PELI2: variants seen among roughly 807,000 people sequenced by gnomAD.
PELI2 encodes the protein pellino E3 ubiquitin protein ligase family member 2.
A neutral mutation model predicts 42.3 loss-of-function variants in PELI2; 23 were observed. That is an observed-to-expected ratio of 0.54 (90% CI 0.39 to 0.77). PELI2 has a LOEUF of 0.77. Among genes scored for constraint, PELI2 ranks in the 30% least tolerant of loss-of-function variants. PELI2 has a pLI of 0.00. For missense variants in PELI2, 463 were observed against 553.2 expected (o/e 0.84, Z 1.64); for synonymous variants, 245 against 212.2 (o/e 1.15, Z -1.34).
At chr14:56,218,573 C>G (rs918829654) in intron 2 of PELI2, among the ~76,000 whole-genome samples, 10 of 152,228 alleles carry the variant, frequency 6.6e-5, no homozygotes, top group Non-Finnish European at 1.5e-4. Context: ...GCTTACTCTT[C>G]CACCTCCCAG....
At chr14:56,256,955 A>G (rs1294766534) in intron 2 of PELI2, among the ~76,000 whole-genome samples, 2 of 152,192 alleles carry the variant, frequency 1.3e-5, no homozygotes, top group African/African-American at 2.4e-5. Flanking sequence ...GCCTTATCGC[A>G]TATTATTTGC....
chr14:56,267,108 C>T (rs764432078), intron 2 of PELI2, among the ~76,000 whole-genome samples: 1 of 152,058 alleles, frequency 6.6e-6, no homozygotes, highest in Non-Finnish European at 1.5e-5. Context: ...ATACCATTCA[C>T]TGGTAACATT....
intron 3 of PELI2, among the ~76,000 whole-genome samples, chr14:56,280,303 A>G (rs978799473): frequency 6.6e-6 from 1 of 152,116 alleles, no homozygotes; most frequent in African/African-American, 2.4e-5. Flanking sequence ...AAAGTACAGC[A>G]ATTAAGAAAG....
In PELI2 at chr14:56,118,628, TCGG is replaced by T; in HGVS notation, c.-24_-22del. On this transcript the variant is annotated 5_prime_UTR_variant, in exon 1 of 6. Coordinates refer to ENST00000267460, the MANE Select transcript of PELI2 (RefSeq NM_021255.3). ...GGGGATCGCGGCGGAGGCGGCGGCG[TCGG>T]CGGCGGCGTCGGCGGCCGAGCGGGG... 6.2e-6 allele frequency: 8 copies of T among 1,297,584 alleles called. No individual in the cohort carries two copies. The highest frequency in any genetic ancestry group is 1.8e-5 in the South Asian group (1 of 55,074). The allele number at this position is 1,297,584 out of a possible 1,614,324, so 80.4% of individuals were successfully genotyped here.
In PELI2 at chr14:56,279,688, A is replaced by G. The variant is rs762329272; in HGVS notation, c.220A>G (p.Lys74Glu). The G allele has an allele frequency of 2.5e-6, 4 of 1,573,728 alleles. No homozygotes were observed. In the South Asian group the frequency reaches 3.4e-5, roughly 13 times the overall value. ...ATTTTATTATTAGGCTATCAGCTGCAAAGGTCAACACAGTATATCCTACAC... is the reference window on the plus strand; with the variant it reads ...ATTTTATTATTAGGCTATCAGCTGCGAAGGTCAACACAGTATATCCTACAC... ...TPQASKAISC[K>E]GQHSISYTLS... The change falls in exon 3 of 6, where the codon AAA becomes GAA. Residue 74 changes from lysine to glutamate, a missense_variant. Lys to Glu is a moderately conservative substitution (Grantham distance 56). Coordinates refer to ENST00000267460, the MANE Select transcript of PELI2 (RefSeq NM_021255.3).
At chr14:56,257,234 G>A (rs1051818485) in intron 2 of PELI2, among the ~76,000 whole-genome samples, 7 of 152,148 alleles carry the variant, frequency 4.6e-5, no homozygotes, top group Non-Finnish European at 1.0e-4. Flanking sequence ...GGAGATAAAA[G>A]TGTTGAACAA....
At chr14:56,289,241 T>C (rs565856340) in intron 4 of PELI2, among the ~76,000 whole-genome samples, 5 of 152,336 alleles carry the variant, frequency 3.3e-5, no homozygotes, top group Admixed American at 1.3e-4. Context: ...GAAGTGCCGA[T>C]GAAGGCCAGC....
At chr14:56,237,768 C>G (rs1887847443) in intron 2 of PELI2, among the ~76,000 whole-genome samples, 1 of 151,282 alleles carries the variant, frequency 6.6e-6, no homozygotes, top group African/African-American at 2.4e-5. Context: ...CATGTCAGAG[C>G]ATGTGGACTG....
chr14:56,249,589 G>T (rs1361398842), intron 2 of PELI2, among the ~76,000 whole-genome samples: 1 of 152,170 alleles, frequency 6.6e-6, no homozygotes, highest in Admixed American at 6.5e-5. Flanking sequence ...ACTGTTCTTT[G>T]TAACCCCAGT....
rs145800334 is a variant in PELI2 at position 56,195,571 on chromosome 14, G to A, written c.207+17107G>A. On this transcript the variant is annotated intron_variant, in intron 2 of 5. Coordinates refer to ENST00000267460, the MANE Select transcript of PELI2 (RefSeq NM_021255.3). ...AAGGCCTTTCAGCAATTTAGCTAAA[G>A]GCTTTAGAGGCAGTGGAGATCTTTT... is the stretch of plus-strand genomic sequence containing the variant. Among the ~76,000 whole-genome samples the A allele has an allele frequency of 1.7e-3, 260 of 152,334 alleles. 2 individuals carry two copies. In the East Asian group the frequency reaches 0.047, roughly 27 times the overall value.
At chr14:56,274,784 A>G (rs2139862933) in intron 2 of PELI2, among the ~76,000 whole-genome samples, 1 of 152,316 alleles carries the variant, frequency 6.6e-6, no homozygotes, top group East Asian at 1.9e-4. Context: ...TGAGAAGAAA[A>G]TACTTGACTC....
chr14:56,272,850 T>C (rs565260236), intron 2 of PELI2, among the ~76,000 whole-genome samples: 24 of 152,334 alleles, frequency 1.6e-4, no homozygotes, highest in African/African-American at 5.8e-4. Flanking sequence ...CCTGCCATGG[T>C]AGACACACCT....
At chr14:56,144,293 G>A (rs753287684) in intron 1 of PELI2, among the ~76,000 whole-genome samples, 3 of 152,178 alleles carry the variant, frequency 2.0e-5, no homozygotes, top group Non-Finnish European at 4.4e-5. Context: ...CAAGGAATTG[G>A]CTTATGTGAT....
At chr14:56,271,697 C>T (rs1397303792) in intron 2 of PELI2, among the ~76,000 whole-genome samples, 3 of 152,182 alleles carry the variant, frequency 2.0e-5, no homozygotes, top group East Asian at 3.8e-4. Context: ...AGAACACAAG[C>T]GTACATTACG....
chr14:56,228,983 C>T (rs981966533), intron 2 of PELI2, among the ~76,000 whole-genome samples: 19 of 152,222 alleles, frequency 1.2e-4, no homozygotes, highest in Admixed American at 6.5e-5. Flanking sequence ...CCCACACCCA[C>T]AGAGCCTTGC....
intron 2 of PELI2, among the ~76,000 whole-genome samples, chr14:56,182,786 C>T (rs1007239899): frequency 3.9e-5 from 6 of 152,074 alleles, no homozygotes; most frequent in South Asian, 2.1e-4. Flanking sequence ...CAACAGTAAC[C>T]GTGAGAAGTG....
Position 56,166,781 on chromosome 14 carries a change from T to C in PELI2, c.78-11554T>C, listed in dbSNP as rs200920061. Among the ~76,000 whole-genome samples the C allele has an allele frequency of 3.3e-5, 5 of 151,966 alleles. No homozygotes were observed. In the East Asian group the frequency reaches 9.7e-4, roughly 29 times the overall value. On this transcript the variant is annotated intron_variant, in intron 1 of 5. Coordinates refer to ENST00000267460, the MANE Select transcript of PELI2 (RefSeq NM_021255.3). ...GTGATTTGTTTGTTGATTGGTTTTT[T>C]TTTCTTTCTTTTTTTTTATTTCTTG...
chr14:56,243,739 A>G (rs12885416), intron 2 of PELI2, among the ~76,000 whole-genome samples: 61,316 of 152,016 alleles, frequency 0.4, 13,086 homozygotes, highest in South Asian at 0.53. Context: ...GAGTGACAAA[A>G]ATAAGAAAAA....
At chr14:56,213,144 G>T (rs1307140858) in intron 2 of PELI2, among the ~76,000 whole-genome samples, 2 of 152,166 alleles carry the variant, frequency 1.3e-5, no homozygotes, top group African/African-American at 4.8e-5. Context: ...AAACTGTCTG[G>T]AGTATCACGT....
Sources: allele counts gnomAD v4.1 joint callset (sites outside exome capture counted in the v4.1 genomes callset), GRCh38; gene constraint gnomAD v4.1.1; transcripts MANE v1.5; gene names NCBI Gene and HGNC (gene_info 2026-07-23, HGNC 2026-07-21).